LRRC28: variants seen among roughly 807,000 people sequenced by gnomAD.
LRRC28 encodes leucine-rich repeat-containing protein 28.
A neutral mutation model predicts 45.7 loss-of-function variants in LRRC28; 39 were observed. The observed-to-expected ratio is 0.85, with a 90% CI of 0.66 to 1.12. The LOEUF is 1.12. Among genes scored for constraint, LRRC28 ranks in the 50% most tolerant of loss-of-function variants. LRRC28 has a pLI of 0.00. For missense variants in LRRC28, 435 were observed against 438.5 expected (o/e 0.99, Z 0.07); for synonymous variants, 206 against 178.8 (o/e 1.15, Z -1.22).
chr15:99,319,998 G>T (rs1260078530), intron 5 of LRRC28, among the ~76,000 whole-genome samples: 2 of 151,854 alleles, frequency 1.3e-5, no homozygotes, highest in African/African-American at 2.4e-5. Context: ...GTAGAGATGG[G>T]GTTTCACCAT....
Position 99,390,531 on chromosome 15 carries a change from A to T in LRRC28, c.*4429A>T, listed in dbSNP as rs1321268441. The T allele has an allele frequency of 6.6e-6, 1 of 152,236 alleles. No individual in the cohort carries two copies. Among genetic ancestry groups the T allele is most frequent in the East Asian group, 1.9e-4 (1 of 5,200 alleles). 9.4% of individuals were successfully genotyped at this position (152,236 alleles called of 1,614,324 possible). On this transcript the variant is annotated 3_prime_UTR_variant, in exon 10 of 10. Transcript: ENST00000301981. The stretch of plus-strand genomic sequence containing the variant: ...AAATGATCCAAGATTTTTAAAATAG[A>T]TACATAATGAAATCCAGGCCTCTGA...
At chr15:99,323,671 A>G (rs1028424347) in intron 5 of LRRC28, among the ~76,000 whole-genome samples, 1 of 152,234 alleles carries the variant, frequency 6.6e-6, no homozygotes, top group Non-Finnish European at 1.5e-5. Flanking sequence ...TTTTGATAAT[A>G]AAAAACTTCA....
At chr15:99,278,964 C>T (rs1266462141) in intron 3 of LRRC28, among the ~76,000 whole-genome samples, 2 of 152,234 alleles carry the variant, frequency 1.3e-5, no homozygotes, top group Non-Finnish European at 2.9e-5. Context: ...GCACTTCCCT[C>T]ATTTCCTTGC....
At chr15:99,347,923 C>A (rs1479585963) in intron 6 of LRRC28, among the ~76,000 whole-genome samples, 2 of 152,190 alleles carry the variant, frequency 1.3e-5, no homozygotes, top group Non-Finnish European at 2.9e-5. Context: ...CTTTTCTCCA[C>A]ACCCTCAGCA....
chr15:99,299,715 G>A (rs1479241245), intron 5 of LRRC28, among the ~76,000 whole-genome samples: 1 of 152,116 alleles, frequency 6.6e-6, no homozygotes, highest in African/African-American at 2.4e-5. Flanking sequence ...GATATTGTTT[G>A]TTATGAACCC....
intron 2 of LRRC28, among the ~76,000 whole-genome samples, chr15:99,271,980 T>C (rs1373283248): frequency 6.6e-6 from 1 of 152,216 alleles, no homozygotes; most frequent in Non-Finnish European, 1.5e-5. Context: ...TTATGGAGAT[T>C]TACTCCTATG....
chr15:99,329,290 A>G (rs2152287936), intron 5 of LRRC28, among the ~76,000 whole-genome samples: 1 of 152,382 alleles, frequency 6.6e-6, no homozygotes, highest in South Asian at 2.1e-4. Flanking sequence ...CAGACAGCAT[A>G]CACTTCAAAA....
At chr15:99,253,387 C>T (rs545141327) in intron 1 of LRRC28, among the ~76,000 whole-genome samples, 2 of 152,154 alleles carry the variant, frequency 1.3e-5, no homozygotes, top group Non-Finnish European at 2.9e-5. Flanking sequence ...TCCCAAAGTG[C>T]TAGGATTACA....
At chr15:99,337,752 C>T (rs1301511885) in intron 6 of LRRC28, 1 of 152,216 alleles carries the variant, frequency 6.6e-6, no homozygotes, top group Non-Finnish European at 1.5e-5. Flanking sequence ...TGCAGATAGC[C>T]CAGGATAGGA....
At chr15:99,331,044 CTT>C (rs1234177175) in intron 5 of LRRC28, among the ~76,000 whole-genome samples, 5 of 151,978 alleles carry the variant, frequency 3.3e-5, no homozygotes, top group African/African-American at 1.2e-4. Flanking sequence ...CTTCTTAAGT[CTT>C]TAATATTTCT....
intron 5 of LRRC28, among the ~76,000 whole-genome samples, chr15:99,329,336 G>C (rs894648431): frequency 1.3e-5 from 2 of 152,260 alleles, no homozygotes; most frequent in African/African-American, 4.8e-5. Flanking sequence ...AATATAAGTG[G>C]AGAGAGTTTT....
chr15:99,304,681 A>C (rs1955116293), intron 5 of LRRC28, among the ~76,000 whole-genome samples: 1 of 152,014 alleles, frequency 6.6e-6, no homozygotes, highest in South Asian at 2.1e-4. Flanking sequence ...TCCTGACCTC[A>C]AGTGACCCAC....
chr15:99,268,208 TC>T (rs2081381657), intron 2 of LRRC28, among the ~76,000 whole-genome samples: 1 of 152,222 alleles, frequency 6.6e-6, no homozygotes, highest in African/African-American at 2.4e-5. Context: ...AAGTGAATTT[TC>T]CCAGTTAATT....
In LRRC28 at chr15:99,387,059, G is replaced by A. The variant is rs966045864; in HGVS notation, c.*957G>A. ...AAAGGCTTCAGCTACTTCCACTACT[G>A]GTTTTTTTTTGTTGTTGTTGAGACG... On this transcript the variant is annotated 3_prime_UTR_variant, in exon 10 of 10. Transcript: ENST00000301981. 4.1e-5 allele frequency: 6 copies of A among 146,502 alleles called. No individual in the cohort carries two copies. Among genetic ancestry groups the A allele is most frequent in the African/African-American group, 8.1e-5 (3 of 36,912 alleles). The allele number at this position is 146,502 out of a possible 1,614,324, so 9.1% of individuals were successfully genotyped here.
intron 9 of LRRC28, among the ~76,000 whole-genome samples, chr15:99,369,678 C>A (rs1365977374): frequency 6.6e-6 from 1 of 152,186 alleles, no homozygotes; most frequent in East Asian, 1.9e-4. Flanking sequence ...TTAATCATAT[C>A]TTTAAAAAAT....
intron 9 of LRRC28, among the ~76,000 whole-genome samples, chr15:99,385,194 T>C (rs978473975): frequency 6.6e-6 from 1 of 152,316 alleles, no homozygotes; most frequent in East Asian, 1.9e-4. Context: ...AGCCCCCTGC[T>C]GGTGCCTCCT....
At chr15:99,291,851 G>A (rs1448052965) in intron 5 of LRRC28, among the ~76,000 whole-genome samples, 1 of 152,188 alleles carries the variant, frequency 6.6e-6, no homozygotes, top group Non-Finnish European at 1.5e-5. Context: ...TTGTCTGTTT[G>A]TTTAGCCATC....
At chr15:99,359,464 C>T (rs1308728671) in intron 7 of LRRC28, among the ~76,000 whole-genome samples, 1 of 152,106 alleles carries the variant, frequency 6.6e-6, no homozygotes, top group Admixed American at 6.5e-5. Flanking sequence ...CATTAGTAAC[C>T]AAGGAGGCAT....
chr15:99,356,837 A>T (rs1957060092), intron 7 of LRRC28, among the ~76,000 whole-genome samples: 2 of 152,226 alleles, frequency 1.3e-5, no homozygotes, highest in African/African-American at 2.4e-5. Flanking sequence ...ATTCAAAAAG[A>T]TTGTTAATTT....
Sources: gnomAD v4.1 joint callset for allele counts (sites outside exome capture counted in the v4.1 genomes callset) on GRCh38, gnomAD v4.1.1 for gene constraint, MANE v1.5 for transcripts, NCBI Gene and HGNC (gene_info 2026-07-23, HGNC 2026-07-21) for gene names.